Variants in LRRC4C observed in about 807,000 individuals in gnomAD.
LRRC4C encodes leucine rich repeat containing 4C, also known as leucine-rich repeat-containing protein 4C.
A neutral mutation model predicts 33.6 loss-of-function variants in LRRC4C; 5 were observed. The ratio of observed to expected loss-of-function variants is 0.15; its 90% CI spans 0.08 to 0.31. LRRC4C has a LOEUF of 0.31. Ranked by LOEUF, LRRC4C falls within the 10% of genes least tolerant of loss-of-function variation. LRRC4C has a pLI of 1.00. For missense variants in LRRC4C, 560 were observed against 796.7 expected (o/e 0.70, Z 3.58); for synonymous variants, 329 against 302.0 (o/e 1.09, Z -0.93).
intron 3 of LRRC4C, among the ~76,000 whole-genome samples, chr11:40,455,519 G>A (rs1397310419): frequency 6.6e-6 from 1 of 152,190 alleles, no homozygotes; most frequent in Admixed American, 6.5e-5. Context: ...GAAATGGGGG[G>A]CAGCTAGTTT....
At chr11:41,373,593 G>A (rs958847802) in intron 1 of LRRC4C, among the ~76,000 whole-genome samples, 2 of 152,152 alleles carry the variant, frequency 1.3e-5, no homozygotes, top group Middle Eastern at 3.4e-3. Flanking sequence ...TAATACTCTC[G>A]GAATATCTCT....
At chr11:40,932,025 A>G (rs1253704732) in intron 2 of LRRC4C, among the ~76,000 whole-genome samples, 1 of 152,166 alleles carries the variant, frequency 6.6e-6, no homozygotes, top group African/African-American at 2.4e-5. Context: ...TCCTGACCTC[A>G]AGGGGCTGAG....
chr11:41,356,641 G>T (rs974510264), intron 1 of LRRC4C, among the ~76,000 whole-genome samples: 3 of 152,108 alleles, frequency 2.0e-5, no homozygotes, highest in Admixed American at 6.6e-5. Context: ...TAGAGAAGGG[G>T]TTAGGAAGTG....
intron 3 of LRRC4C, among the ~76,000 whole-genome samples, chr11:40,585,328 T>C (rs965312950): frequency 6.6e-6 from 1 of 151,942 alleles, no homozygotes; most frequent in African/African-American, 2.4e-5. Flanking sequence ...GCTAACACCA[T>C]TGCTTGAGAG....
intron 2 of LRRC4C, among the ~76,000 whole-genome samples, chr11:40,704,539 G>A (rs1210772794): frequency 2.6e-5 from 4 of 152,128 alleles, no homozygotes; most frequent in African/African-American, 9.7e-5. Flanking sequence ...TGCATAGACT[G>A]TAGTGATTAC....
chr11:40,552,622 G>C (rs1171389043), intron 3 of LRRC4C, among the ~76,000 whole-genome samples: 1 of 152,110 alleles, frequency 6.6e-6, no homozygotes, highest in Admixed American at 6.5e-5. Flanking sequence ...GTCCACAGCT[G>C]CCAGAAAGAG....
At chr11:41,110,099 C>T (rs1941742827) in intron 1 of LRRC4C, among the ~76,000 whole-genome samples, 1 of 151,968 alleles carries the variant, frequency 6.6e-6, no homozygotes, top group African/African-American at 2.4e-5. Context: ...GAAATATCTA[C>T]AACTACTCTG....
intron 2 of LRRC4C, among the ~76,000 whole-genome samples, chr11:40,797,094 A>G (rs922760464): frequency 1.8e-4 from 28 of 152,192 alleles, no homozygotes; most frequent in African/African-American, 6.8e-4. Context: ...GAGAATTTAA[A>G]CAATAGTAAC....
chr11:40,571,802 A>G (rs1353489994), intron 3 of LRRC4C, among the ~76,000 whole-genome samples: 1 of 152,214 alleles, frequency 6.6e-6, no homozygotes, highest in Non-Finnish European at 1.5e-5. Flanking sequence ...CTTATGAAGA[A>G]TGAAAGCAGG....
intron 1 of LRRC4C, among the ~76,000 whole-genome samples, chr11:41,026,037 C>T (rs979244564): frequency 1.9e-4 from 29 of 151,834 alleles, no homozygotes; most frequent in African/African-American, 7.0e-4. Flanking sequence ...GTTTTCAGGG[C>T]TACTAATACA....
chr11:40,305,299 T>C (rs1590255183), intron 4 of LRRC4C, among the ~76,000 whole-genome samples: 2 of 152,332 alleles, frequency 1.3e-5, no homozygotes, highest in East Asian at 3.9e-4. Flanking sequence ...TTTTTATGAA[T>C]GGAGTTGTCT....
rs1208079989 is a variant in LRRC4C at position 41,283,924 on chromosome 11, G to GT, written c.-496+175506dup. On this transcript the variant is annotated intron_variant, in intron 1 of 6. Coordinates refer to ENST00000528697, the MANE Select transcript of LRRC4C (RefSeq NM_001258419.2). ...GTAATAATAGTACCTATCTTTTAGGGTTTTTGTAATCATTGCATTGTAATT... is the reference window on the plus strand; with the variant it reads ...GTAATAATAGTACCTATCTTTTAGGGTTTTTTGTAATCATTGCATTGTAATT... Among the ~76,000 whole-genome samples the GT allele has an allele frequency of 6.6e-5, 10 of 152,214 alleles. No homozygotes were observed. In the South Asian group the frequency reaches 1.5e-3, roughly 22 times the overall value.
intron 3 of LRRC4C, among the ~76,000 whole-genome samples, chr11:40,372,770 A>C (rs111821460): frequency 3.9e-5 from 6 of 152,272 alleles, no homozygotes; most frequent in African/African-American, 1.4e-4. Flanking sequence ...TCAGAAAAGC[A>C]TACTTTGTCA....
At chr11:40,410,839 T>C (rs1175373245) in intron 3 of LRRC4C, among the ~76,000 whole-genome samples, 2 of 152,174 alleles carry the variant, frequency 1.3e-5, no homozygotes, top group Non-Finnish European at 2.9e-5. Context: ...ATAATTTTAC[T>C]GTTAATGTAG....
rs577435009 is a variant in LRRC4C at position 40,756,746 on chromosome 11, C to T, written c.-406-108468G>A. ...CATCCTAAGCAATGCATTTTCAAAA[C>T]ATTTTCACAAATATTACCTAGAAAC... On this transcript the variant is annotated intron_variant, in intron 2 of 6. Coordinates refer to ENST00000528697, the MANE Select transcript of LRRC4C (RefSeq NM_001258419.2). 2.6e-5 allele frequency among the ~76,000 whole-genome samples: 4 copies of T among 152,124 alleles called. No individual in the cohort carries two copies. The South Asian group carries it at 6.2e-4, about 24-fold the overall frequency.
chr11:41,196,236 AAGAC>A (rs759380024), intron 1 of LRRC4C, among the ~76,000 whole-genome samples: 8 of 152,088 alleles, frequency 5.3e-5, no homozygotes, highest in Non-Finnish European at 1.0e-4. Context: ...TTTTTGTTTG[AAGAC>A]AGAAACACAG....
At chr11:41,377,790 G>C (rs1030251903) in intron 1 of LRRC4C, among the ~76,000 whole-genome samples, 2 of 152,128 alleles carry the variant, frequency 1.3e-5, no homozygotes, top group African/African-American at 4.8e-5. Context: ...AACTATTACA[G>C]TCAAGGACAA....
intron 2 of LRRC4C, among the ~76,000 whole-genome samples, chr11:40,923,940 T>G (rs1426001324): frequency 6.6e-6 from 1 of 152,092 alleles, no homozygotes; most frequent in Non-Finnish European, 1.5e-5. Context: ...ATTTTTGATG[T>G]TTTCTGTATT....
chr11:40,268,506 T>G (rs1942451024), intron 4 of LRRC4C, among the ~76,000 whole-genome samples: 1 of 152,154 alleles, frequency 6.6e-6, no homozygotes. Context: ...CATCATGAAT[T>G]TATATTACTG....
Sources: gnomAD v4.1 joint callset for allele counts (sites outside exome capture counted in the v4.1 genomes callset) on GRCh38, gnomAD v4.1.1 for gene constraint, MANE v1.5 for transcripts, NCBI Gene and HGNC (gene_info 2026-07-23, HGNC 2026-07-21) for gene names.